GRID2: variants seen among roughly 807,000 people sequenced by gnomAD.
The protein encoded by GRID2 is glutamate receptor ionotropic, delta-2.
GRID2 carries 33 observed loss-of-function variants against 114.8 expected under a neutral mutation model. The ratio of observed to expected loss-of-function variants is 0.29; its 90% CI spans 0.22 to 0.38. The LOEUF is 0.38. GRID2 is among the 10% of genes least tolerant of loss of function. GRID2 has a pLI of 1.00. For synonymous variants in GRID2, 505 were observed against 449.9 expected (o/e 1.12, Z -1.55); for missense variants, 1,184 against 1,257.7 (o/e 0.94, Z 0.89).
intron 2 of GRID2, among the ~76,000 whole-genome samples, chr4:92,732,315 G>C (rs188229206): frequency 2.0e-5 from 3 of 151,782 alleles, no homozygotes; most frequent in Admixed American, 6.6e-5. Context: ...AAATTGTATG[G>C]TTACTGATTC....
intron 2 of GRID2, among the ~76,000 whole-genome samples, chr4:92,877,468 T>A (rs536569348): frequency 6.6e-6 from 1 of 152,298 alleles, no homozygotes; most frequent in African/African-American, 2.4e-5. Flanking sequence ...GGAGGTACAC[T>A]AGTTGAGTAA....
At position 92,924,870 on chromosome 4, in the gene GRID2, A is replaced by G. The variant is rs116475526; in HGVS notation, c.245-160125A>G. 5.2e-3 allele frequency among the ~76,000 whole-genome samples: 789 copies of G among 152,250 alleles called. 7 individuals carry two copies. Among genetic ancestry groups the G allele is most frequent in the African/African-American group, 0.018 (754 of 41,550 alleles). On this transcript the variant is annotated intron_variant, in intron 2 of 15. Transcript: ENST00000282020. ...CAATAAGATCCTTTGTTGTAGCTTC[A>G]TCATATTAATGTGGAAGCTGTTAAT...
chr4:92,647,379 A>C (rs1260386723), intron 2 of GRID2, among the ~76,000 whole-genome samples: 3 of 26,048 alleles, frequency 1.2e-4, no homozygotes, highest in Non-Finnish European at 2.8e-4. Context: ...AATTCTAACC[A>C]ATAAATGATA....
At chr4:93,520,785 T>A (rs1047313804) in intron 13 of GRID2, among the ~76,000 whole-genome samples, 3 of 152,282 alleles carry the variant, frequency 2.0e-5, no homozygotes, top group Non-Finnish European at 4.4e-5. Flanking sequence ...GGGTTGACAA[T>A]CACTGATATA....
intron 2 of GRID2, among the ~76,000 whole-genome samples, chr4:92,900,197 C>A (rs187980701): frequency 6.6e-6 from 1 of 152,252 alleles, no homozygotes; most frequent in African/African-American, 2.4e-5. Context: ...TTAACAAGAT[C>A]ATTCTGGTTT....
chr4:93,631,216 C>CT (rs201119171), intron 14 of GRID2, among the ~76,000 whole-genome samples: 20,189 of 149,564 alleles, frequency 0.13, 1,651 homozygotes, highest in East Asian at 0.43. Flanking sequence ...TAGGGATTCT[C>CT]TTTTTTTTTT....
intron 14 of GRID2, among the ~76,000 whole-genome samples, chr4:93,679,685 C>A (rs1326451580): frequency 3.3e-5 from 5 of 150,920 alleles, no homozygotes; most frequent in African/African-American, 4.9e-5. Context: ...CTACTGGGTA[C>A]ATAACAAAAT....
chr4:93,310,689 C>A (rs138762456), intron 8 of GRID2, among the ~76,000 whole-genome samples: 63 of 152,208 alleles, frequency 4.1e-4, no homozygotes, highest in African/African-American at 1.5e-3. Flanking sequence ...TGTATTGGAA[C>A]CTAATTGCAT....
chr4:92,545,400 G>C (rs1388414565), intron 1 of GRID2, among the ~76,000 whole-genome samples: 3 of 152,100 alleles, frequency 2.0e-5, no homozygotes, highest in Non-Finnish European at 4.4e-5. Context: ...CTTGCTCAAG[G>C]TCATGTCTAA....
chr4:93,628,615 G>A (rs1742946931), intron 14 of GRID2, among the ~76,000 whole-genome samples: 1 of 152,120 alleles, frequency 6.6e-6, no homozygotes, highest in African/African-American at 2.4e-5. Flanking sequence ...AAGGGATCCA[G>A]GGTTTCATGG....
At chr4:93,081,964 A>C (rs1447851540) in intron 2 of GRID2, among the ~76,000 whole-genome samples, 1 of 152,166 alleles carries the variant, frequency 6.6e-6, no homozygotes, top group Non-Finnish European at 1.5e-5. Context: ...GCCATGAGTT[A>C]TAGCCTATTT....
intron 2 of GRID2, among the ~76,000 whole-genome samples, chr4:92,814,082 T>TA (rs1406894413): frequency 7.9e-5 from 12 of 152,118 alleles, no homozygotes; most frequent in Non-Finnish European, 1.3e-4. Flanking sequence ...CCATGAAGCA[T>TA]TTTACTGATA....
intron 2 of GRID2, among the ~76,000 whole-genome samples, chr4:92,993,691 T>C (rs1755040777): frequency 6.6e-6 from 1 of 152,200 alleles, no homozygotes; most frequent in African/African-American, 2.4e-5. Context: ...AGGTCACTGA[T>C]TATTCTGTGA....
intron 8 of GRID2, among the ~76,000 whole-genome samples, chr4:93,335,988 T>C (rs1389428887): frequency 6.6e-6 from 1 of 152,176 alleles, no homozygotes; most frequent in Admixed American, 6.5e-5. Flanking sequence ...CACCTGTCCT[T>C]CCTTTCTTAT....
At chr4:93,107,054 C>A (rs1269059294) in intron 3 of GRID2, among the ~76,000 whole-genome samples, 1 of 152,134 alleles carries the variant, frequency 6.6e-6, no homozygotes, top group Non-Finnish European at 1.5e-5. Context: ...AATCCAAGCA[C>A]TTTGGGAGGC....
At chr4:93,021,831 AAT>A (rs1723386173) in intron 2 of GRID2, among the ~76,000 whole-genome samples, 1 of 146,726 alleles carries the variant, frequency 6.8e-6, no homozygotes, top group African/African-American at 2.5e-5. Context: ...TTATATAATA[AAT>A]ATTATTTTTA....
intron 8 of GRID2, among the ~76,000 whole-genome samples, chr4:93,346,151 G>A (rs1760214849): frequency 6.6e-6 from 1 of 152,022 alleles, no homozygotes; most frequent in Non-Finnish European, 1.5e-5. Flanking sequence ...CAAATTTTAG[G>A]ATTATTTTTC....
chr4:93,756,337 G>A (rs1456647895), intron 14 of GRID2, among the ~76,000 whole-genome samples: 3 of 152,146 alleles, frequency 2.0e-5, no homozygotes, highest in Non-Finnish European at 4.4e-5. Context: ...GCTGTGCTGC[G>A]TATTTCACAA....
At chr4:93,223,223 G>T (rs1404614710) in intron 6 of GRID2, among the ~76,000 whole-genome samples, 1 of 152,068 alleles carries the variant, frequency 6.6e-6, no homozygotes, top group East Asian at 1.9e-4. Flanking sequence ...AGGCAAAATG[G>T]GGAGTGGCTG....
Sources: gnomAD v4.1 joint callset for allele counts (sites outside exome capture counted in the v4.1 genomes callset) on GRCh38, gnomAD v4.1.1 for gene constraint, MANE v1.5 for transcripts, NCBI Gene and HGNC (gene_info 2026-07-23, HGNC 2026-07-21) for gene names.